The following DPP6 variants were observed in gnomAD, a reference collection of about 807,000 sequenced individuals.
DPP6 encodes A-type potassium channel modulatory protein DPP6.
A neutral mutation model predicts 122.6 loss-of-function variants in DPP6; 69 were observed. The observed-to-expected ratio is 0.56, with a 90% CI of 0.46 to 0.69. The LOEUF is 0.69. Among genes scored for constraint, DPP6 ranks in the 30% least tolerant of loss-of-function variants. DPP6 has a pLI of 0.00. For missense variants in DPP6, 928 were observed against 1,116.9 expected, an observed-to-expected ratio of 0.83 and a Z score of 2.41; for synonymous variants, 418 against 433.1, an observed-to-expected ratio of 0.97 and a Z score of 0.43.
intron 1 of DPP6, among the ~76,000 whole-genome samples, chr7:154,402,802 C>G (rs1342325426): frequency 6.6e-6 from 1 of 151,222 alleles, no homozygotes; most frequent in Non-Finnish European, 1.5e-5. Context: ...AAATAAAACT[C>G]TGGGATCCAA....
At chr7:154,811,271 A>G (rs547222702) in intron 16 of DPP6, among the ~76,000 whole-genome samples, 10 of 152,366 alleles carry the variant, frequency 6.6e-5, no homozygotes, top group Admixed American at 2.6e-4. Context: ...AGGAGCAGCC[A>G]ACTGTTTGAA....
chr7:154,542,043 T>A (rs1164236018), intron 4 of DPP6, among the ~76,000 whole-genome samples: 1 of 152,202 alleles, frequency 6.6e-6, no homozygotes, highest in Non-Finnish European at 1.5e-5. Flanking sequence ...TTTCATTTCT[T>A]TTCTTTTGCA....
intron 1 of DPP6, among the ~76,000 whole-genome samples, chr7:154,299,250 A>G (rs749658567): frequency 1.3e-4 from 20 of 152,188 alleles, no homozygotes; most frequent in Non-Finnish European, 2.5e-4. Context: ...GTGAGCCCTG[A>G]CCACGCAGAC....
rs73496213 is a variant in DPP6 at position 153,946,494 on chromosome 7, A to G, written c.51+58760A>G. Reference sequence around the variant, plus strand: ...GCAGTGAGGGGTCACTTTCATTGACATCTTGGTTTCGATGGGTTTTAGACG... The same window carrying G: ...GCAGTGAGGGGTCACTTTCATTGACGTCTTGGTTTCGATGGGTTTTAGACG... On this transcript the variant is annotated intron_variant, in intron 1 of 25. Transcript: ENST00000404039. Among the ~76,000 whole-genome samples the G allele has an allele frequency of 2.5e-3, 387 of 152,200 alleles. 2 individuals are homozygous for G. The highest frequency in any genetic ancestry group is 8.6e-3 in the African/African-American group (359 of 41,554).
chr7:154,148,718 G>A (rs1379872993), intron 1 of DPP6, among the ~76,000 whole-genome samples: 11 of 152,400 alleles, frequency 7.2e-5, no homozygotes, highest in African/African-American at 1.7e-4. Context: ...TAAAGGAGAC[G>A]TGCTATTTTT....
chr7:154,058,497 G>C (rs1278077258), intron 1 of DPP6: 1 of 127,610 alleles, frequency 7.8e-6, no homozygotes, highest in Admixed American at 7.8e-5. Flanking sequence ...GGCACCCTCC[G>C]CGAGGCAGGG....
intron 1 of DPP6, among the ~76,000 whole-genome samples, chr7:154,433,136 GTTTTTT>G (rs548053204): frequency 1.8e-4 from 13 of 72,346 alleles, no homozygotes; most frequent in African/African-American, 6.5e-4. Flanking sequence ...TAGACTGCAA[GTTTTTT>G]TTTTTTTTTT....
chr7:154,062,039 GGC>G (rs1802041379), intron 1 of DPP6, among the ~76,000 whole-genome samples: 1 of 119,754 alleles, frequency 8.4e-6, no homozygotes, highest in African/African-American at 3.1e-5. Flanking sequence ...CCCCCCGCGA[GGC>G]AGGGACTGAC....
Position 153,890,820 on chromosome 7 carries a change from A to G in DPP6, c.51+3086A>G, listed in dbSNP as rs371268577. On this transcript the variant is annotated intron_variant, in intron 1 of 25. Coordinates refer to the DPP6 transcript ENST00000404039. ...ATTCTCCTGCCTCAGCCTCTCGAGT[A>G]GCTGGGGACTACAGGCGTGCACCAC... 1.0e-4 allele frequency among the ~76,000 whole-genome samples: 15 copies of G among 144,976 alleles called. No homozygotes were observed. The East Asian group carries it at 3.1e-3, about 30-fold the overall frequency.
At chr7:154,663,350 A>G (rs1286843997) in intron 6 of DPP6, among the ~76,000 whole-genome samples, 2 of 37,894 alleles carry the variant, frequency 5.3e-5, no homozygotes, top group Non-Finnish European at 1.0e-4. Flanking sequence ...CGTATTGGCC[A>G]TAGTGTTCAT....
chr7:154,435,067 C>T (rs1818744599), intron 1 of DPP6, among the ~76,000 whole-genome samples: 1 of 152,088 alleles, frequency 6.6e-6, no homozygotes, highest in African/African-American at 2.4e-5. Context: ...GAACTCCTGA[C>T]CTCAGGTGAT....
intron 15 of DPP6, among the ~76,000 whole-genome samples, chr7:154,805,404 G>T (rs764165868): frequency 6.6e-6 from 1 of 152,164 alleles, no homozygotes; most frequent in Non-Finnish European, 1.5e-5. Context: ...ACTGGCTTTG[G>T]GGAACTCTGC....
At chr7:153,966,599 C>A (rs1795749098) in intron 1 of DPP6, among the ~76,000 whole-genome samples, 1 of 3,222 alleles carries the variant, frequency 3.1e-4, no homozygotes, top group Non-Finnish European at 5.5e-4. Context: ...CTGCATATAG[C>A]CCTTTTTTTT....
intron 8 of DPP6, among the ~76,000 whole-genome samples, chr7:154,766,351 T>A (rs563395963): frequency 6.6e-6 from 1 of 152,336 alleles, no homozygotes; most frequent in South Asian, 2.1e-4. Context: ...CTAGTCTCAC[T>A]CTGTCACCCA....
At chr7:154,577,243 C>T (rs1486294298) in intron 5 of DPP6, among the ~76,000 whole-genome samples, 11 of 151,978 alleles carry the variant, frequency 7.2e-5, no homozygotes, top group African/African-American at 1.7e-4. Context: ...GAAGGACCCC[C>T]CTGTCCATCT....
At position 154,197,690 on chromosome 7, in the gene DPP6, A is replaced by G. The variant is rs78532355; in HGVS notation, c.243+144627A>G. Among the ~76,000 whole-genome samples the G allele has an allele frequency of 9.7e-3, 1,471 of 152,330 alleles. 21 individuals are homozygous for G. The highest frequency in any genetic ancestry group is 0.033 in the African/African-American group (1,388 of 41,576). ...ATCTATTGGCAATAAGGTAGTATTGACATATCAATATTTCCTTGCCAAGAT... is the reference window on the plus strand; with the variant it reads ...ATCTATTGGCAATAAGGTAGTATTGGCATATCAATATTTCCTTGCCAAGAT... On this transcript the variant is annotated intron_variant, in intron 1 of 25. Transcript: ENST00000377770.
At chr7:154,239,882 C>T (rs1311490191) in intron 1 of DPP6, among the ~76,000 whole-genome samples, 1 of 149,522 alleles carries the variant, frequency 6.7e-6, no homozygotes, top group African/African-American at 2.5e-5. Flanking sequence ...ATCCTAGCTA[C>T]TGAGGTGGCT....
At position 154,760,028 on chromosome 7, in the gene DPP6, C is replaced by A. The variant is rs1795432964; in HGVS notation, c.884-9389C>A. ...GTCCCAGCTACTCGGGAGGCCGAGGCAGAAGAATCACTTGAACCCAGCAGG... is the reference window on the plus strand; with the variant it reads ...GTCCCAGCTACTCGGGAGGCCGAGGAAGAAGAATCACTTGAACCCAGCAGG... On this transcript the variant is annotated intron_variant, in intron 8 of 25. Coordinates refer to ENST00000377770, the MANE Select transcript of DPP6 (RefSeq NM_130797.4). The surrounding 1 kb of genome is among the most constrained non-coding windows in gnomAD (Gnocchi z 4.5). Among the ~76,000 whole-genome samples, 1 of 152,140 alleles carries A rather than the reference C, an allele frequency of 6.6e-6. No individual in the cohort carries two copies. The highest frequency in any genetic ancestry group is 6.5e-5 in the Admixed American group (1 of 15,280).
chr7:154,101,882 G>C (rs77017511), intron 1 of DPP6, among the ~76,000 whole-genome samples: 50,224 of 146,018 alleles, frequency 0.34, 9,100 homozygotes, highest in East Asian at 0.46. Flanking sequence ...GAGCCGAGAT[G>C]GCGCCATTGC....
Sources: allele counts gnomAD v4.1 joint callset (sites outside exome capture counted in the v4.1 genomes callset), GRCh38; gene constraint gnomAD v4.1.1; non-coding constraint Gnocchi (gnomAD v3.1); transcripts MANE v1.5; gene names NCBI Gene and HGNC (gene_info 2026-07-23, HGNC 2026-07-21).